Variants in SRRM4 observed in about 807,000 individuals in gnomAD.
SRRM4 encodes the protein serine/arginine repetitive matrix protein 4.
SRRM4 carries 33 observed loss-of-function variants against 68.9 expected under a neutral mutation model. That is an observed-to-expected ratio of 0.48 (90% CI 0.36 to 0.64). The LOEUF is 0.64. Ranked by LOEUF, SRRM4 falls within the 30% of genes least tolerant of loss-of-function variation. SRRM4 has a pLI of 0.00. For missense variants in SRRM4, 817 were observed against 827.1 expected, an observed-to-expected ratio of 0.99 and a Z score of 0.15; for synonymous variants, 318 against 318.8, an observed-to-expected ratio of 1.00 and a Z score of 0.03.
chr12:119,159,541 C>T lies in SRRM4; in HGVS notation c.*2743C>T, dbSNP rs1954496059. 6.6e-6 allele frequency: 1 copy of T among 152,094 alleles called. No individual in the cohort carries two copies. 9.4% of individuals were successfully genotyped at this position (152,094 alleles called of 1,614,324 possible). On this transcript the variant is annotated 3_prime_UTR_variant, in exon 13 of 13. Transcript: ENST00000267260. ...GATGAAAATGATGTCTGGTTTAGTACTGGAATTGCACTTGGGGTTGACAAG... is the reference window on the plus strand; with the variant it reads ...GATGAAAATGATGTCTGGTTTAGTATTGGAATTGCACTTGGGGTTGACAAG...
intron 1 of SRRM4, among the ~76,000 whole-genome samples, chr12:119,070,732 A>G (rs1036497656): frequency 6.6e-6 from 1 of 152,204 alleles, no homozygotes; most frequent in African/African-American, 2.4e-5. Context: ...CTGCTTTCAT[A>G]TCTATTCAGT....
chr12:119,102,428 T>C, intron 2 of SRRM4, 46 bp downstream of exon 2: 1 of 1,511,076 alleles, frequency 6.6e-7, no homozygotes, highest in Non-Finnish European at 9.0e-7. Context: ...AGAAATAAAG[T>C]CTGCCTCTCT....
At position 119,159,484 on chromosome 12, in the gene SRRM4, A is replaced by G. The variant is rs539110798; in HGVS notation, c.*2686A>G. ...GAGGCTTCAGTTGAGTACTTGCTGA[A>G]GTAGTTGCCTTGTATTTTGAGGGCC... is the stretch of plus-strand genomic sequence containing the variant. On this transcript the variant is annotated 3_prime_UTR_variant, in exon 13 of 13. Transcript: ENST00000267260. 1 of 152,368 alleles carries G rather than the reference A, an allele frequency of 6.6e-6. No homozygotes were observed. The highest frequency in any genetic ancestry group is 6.5e-5 in the Admixed American group (1 of 15,302). 9.4% of individuals were successfully genotyped at this position (152,368 alleles called of 1,614,324 possible). A position where few individuals can be genotyped will look rare whatever the true frequency, so the allele number is the denominator to read the frequency against.
chr12:119,004,095 C>G (rs1953401626), intron 1 of SRRM4, among the ~76,000 whole-genome samples: 1 of 151,962 alleles, frequency 6.6e-6, no homozygotes, highest in Non-Finnish European at 1.5e-5. Flanking sequence ...TCATCTTATT[C>G]TAAATATCCA....
chr12:119,151,286 G>T, intron 10 of SRRM4, 66 bp downstream of exon 10: 1 of 1,440,570 alleles, frequency 6.9e-7, no homozygotes. Flanking sequence ...AATTGCAGAT[G>T]TCCTTTGACC....
chr12:119,029,111 CATGAGAGGGATGGGTAGG>C (rs1261955449), intron 1 of SRRM4, among the ~76,000 whole-genome samples: 1 of 152,094 alleles, frequency 6.6e-6, no homozygotes, highest in Admixed American at 6.5e-5. Context: ...TATCTTTTTT[CATGAGAGGGATGGGTAGG>C]CATTACACCA....
At chr12:119,070,490 G>A (rs1022017092) in intron 1 of SRRM4, among the ~76,000 whole-genome samples, 1 of 152,082 alleles carries the variant, frequency 6.6e-6, no homozygotes, top group African/African-American at 2.4e-5. Flanking sequence ...GCAAAGAGAA[G>A]GTTGAGTGCC....
In SRRM4 at chr12:119,065,866, T is replaced by C. The variant is rs146161850; in HGVS notation, c.132-36370T>C. Among the ~76,000 whole-genome samples, 1,359 of 152,110 alleles carry C rather than the reference T, an allele frequency of 8.9e-3. 12 individuals are homozygous for C. The highest frequency in any genetic ancestry group is 0.019 in the African/African-American group (803 of 41,484). On this transcript the variant is annotated intron_variant, in intron 1 of 12. Coordinates refer to ENST00000267260, the MANE Select transcript of SRRM4 (RefSeq NM_194286.4). The stretch of plus-strand genomic sequence containing the variant: ...ATGGATGGATGCATAAATGGGTGGA[T>C]GGGTGGATGGGTGGGTGACTGGATA...
intron 1 of SRRM4, among the ~76,000 whole-genome samples, chr12:119,029,281 G>T (rs965029083): frequency 1.3e-5 from 2 of 152,174 alleles, no homozygotes; most frequent in South Asian, 2.1e-4. Context: ...AGTGGAAAAT[G>T]ATACTATTCT....
At chr12:119,111,959 T>A (rs1954146772) in intron 2 of SRRM4, among the ~76,000 whole-genome samples, 1 of 151,764 alleles carries the variant, frequency 6.6e-6, no homozygotes, top group Admixed American at 6.6e-5. Context: ...GGCAGGAGAA[T>A]CGCTTGAACC....
intron 1 of SRRM4, among the ~76,000 whole-genome samples, chr12:118,990,997 G>T (rs1195838880): frequency 1.3e-5 from 2 of 152,102 alleles, no homozygotes; most frequent in African/African-American, 2.4e-5. Flanking sequence ...TAGAGACAGG[G>T]TTTCACCATT....
At chr12:119,128,081 G>A (rs1296639505) in intron 7 of SRRM4, among the ~76,000 whole-genome samples, 1 of 152,134 alleles carries the variant, frequency 6.6e-6, no homozygotes, top group Non-Finnish European at 1.5e-5. Context: ...TTGAGGAAGA[G>A]GCCCTTGGTA....
intron 1 of SRRM4, among the ~76,000 whole-genome samples, chr12:119,004,230 G>T (rs2135994652): frequency 6.6e-6 from 1 of 152,104 alleles, no homozygotes; most frequent in East Asian, 2.0e-4. Context: ...GAGACCATAA[G>T]ATTCATGGTT....
At chr12:119,050,392 T>C (rs1374748129) in intron 1 of SRRM4, among the ~76,000 whole-genome samples, 1 of 152,250 alleles carries the variant, frequency 6.6e-6, no homozygotes, top group African/African-American at 2.4e-5. Flanking sequence ...AGGGCTCTGC[T>C]TTCAAGGGCC....
chr12:119,139,859 A>G (rs1259198812), intron 8 of SRRM4, among the ~76,000 whole-genome samples: 1 of 147,654 alleles, frequency 6.8e-6, no homozygotes, highest in African/African-American at 2.5e-5. Flanking sequence ...TTCTTGACCC[A>G]TAAGGAGCAC....
chr12:119,059,187 C>A (rs1953795597), intron 1 of SRRM4, among the ~76,000 whole-genome samples: 1 of 152,082 alleles, frequency 6.6e-6, no homozygotes, highest in African/African-American at 2.4e-5. Flanking sequence ...CCCTTCCCTA[C>A]CCACCCTGTC....
At chr12:119,153,488 A>AC (rs1296899616) in intron 10 of SRRM4, 51 bp from the exon 11 acceptor site, 2 of 1,263,608 alleles carry the variant, frequency 1.6e-6, no homozygotes, top group Non-Finnish European at 2.3e-6. Context: ...GTCTTGGATA[A>AC]CCCAGGCGGA....
intron 1 of SRRM4, among the ~76,000 whole-genome samples, chr12:119,056,464 A>C (rs1353522824): frequency 1.3e-5 from 2 of 152,200 alleles, no homozygotes; most frequent in African/African-American, 4.8e-5. Flanking sequence ...CCATTGATTA[A>C]GAGAGCTCAC....
intron 1 of SRRM4, among the ~76,000 whole-genome samples, chr12:119,042,975 C>A (rs979375966): frequency 3.9e-5 from 6 of 152,112 alleles, no homozygotes; most frequent in African/African-American, 1.4e-4. Context: ...TTGTGGGAGA[C>A]AGTGTGGCAA....
Sources: allele counts gnomAD v4.1 joint callset (sites outside exome capture counted in the v4.1 genomes callset), GRCh38; gene constraint gnomAD v4.1.1; transcripts MANE v1.5; gene names NCBI Gene and HGNC (gene_info 2026-07-23, HGNC 2026-07-21).